CTNNA2: variants seen among roughly 807,000 people sequenced by gnomAD.
CTNNA2 encodes the protein catenin alpha 2, also known as catenin alpha-2.
Under a neutral mutation model 101.0 loss-of-function variants are expected in CTNNA2, and 42 were observed. The ratio of observed to expected loss-of-function variants is 0.42; its 90% CI spans 0.32 to 0.54. CTNNA2 has a LOEUF of 0.54. Among genes scored for constraint, CTNNA2 ranks in the 20% least tolerant of loss-of-function variants. The pLI is 0.14. For synonymous variants in CTNNA2, 450 were observed against 456.4 expected, an observed-to-expected ratio of 0.99 and a Z score of 0.18; for missense variants, 871 against 1,223.1, an observed-to-expected ratio of 0.71 and a Z score of 4.29.
intron 4 of CTNNA2, among the ~76,000 whole-genome samples, chr2:79,452,334 T>C (rs1357497307): frequency 2.6e-5 from 4 of 151,782 alleles, no homozygotes; most frequent in African/African-American, 9.7e-5. Flanking sequence ...ACTAGACATA[T>C]CTTCAGTGAA....
chr2:80,109,051 A>T (rs944373907), intron 7 of CTNNA2, among the ~76,000 whole-genome samples: 42 of 152,366 alleles, frequency 2.8e-4, no homozygotes, highest in African/African-American at 9.9e-4. Flanking sequence ...GACCCTGGTC[A>T]TTAGAATAAA....
chr2:79,796,276 T>TA (rs1675687291), intron 3 of CTNNA2, among the ~76,000 whole-genome samples: 1 of 151,076 alleles, frequency 6.6e-6, no homozygotes, highest in Admixed American at 6.6e-5. Context: ...AACAGCTCTT[T>TA]AAAAGTGGCC....
intron 2 of CTNNA2, chr2:79,292,895 T>A (rs983237078): frequency 1.3e-5 from 2 of 152,270 alleles, no homozygotes; most frequent in Admixed American, 6.5e-5. Flanking sequence ...AACACTGGCT[T>A]CTAGTCAGAA....
At chr2:79,307,903 C>T (rs1458441872) in intron 2 of CTNNA2, among the ~76,000 whole-genome samples, 3 of 152,194 alleles carry the variant, frequency 2.0e-5, no homozygotes, top group African/African-American at 7.2e-5. Flanking sequence ...TGATAATAGC[C>T]ATCCTAACTG....
At chr2:79,665,089 C>T (rs2104548896) in intron 2 of CTNNA2, among the ~76,000 whole-genome samples, 1 of 152,196 alleles carries the variant, frequency 6.6e-6, no homozygotes, top group Non-Finnish European at 1.5e-5. Context: ...GATTTCCACT[C>T]TCAATCCAGA....
intron 2 of CTNNA2, among the ~76,000 whole-genome samples, chr2:79,219,965 G>A (rs138758398): frequency 1.4e-4 from 22 of 152,196 alleles, no homozygotes; most frequent in African/African-American, 4.1e-4. Context: ...ACAGATACTC[G>A]TATCCTCCTA....
At chr2:79,466,169 A>G (rs1670932181) in intron 4 of CTNNA2, among the ~76,000 whole-genome samples, 1 of 152,168 alleles carries the variant, frequency 6.6e-6, no homozygotes, top group Non-Finnish European at 1.5e-5. Flanking sequence ...CACCTGGAAA[A>G]TCGGGTCACT....
chr2:79,480,287 A>G (rs1045858046), intron 4 of CTNNA2, among the ~76,000 whole-genome samples: 12 of 152,090 alleles, frequency 7.9e-5, no homozygotes, highest in Non-Finnish European at 1.8e-4. Context: ...ATTATGCTCT[A>G]CCTCCAACAT....
chr2:80,023,714 G>A (rs1694735705), intron 7 of CTNNA2, among the ~76,000 whole-genome samples: 2 of 152,148 alleles, frequency 1.3e-5, no homozygotes, highest in African/African-American at 4.8e-5. Context: ...TTAGAAATGT[G>A]TATTGATCTC....
rs147127721 is a variant in CTNNA2 at position 80,370,282 on chromosome 2, G to A, written c.1057-22929G>A. 5.5e-4 allele frequency among the ~76,000 whole-genome samples: 84 copies of A among 152,068 alleles called. 1 individual carries two copies. In the East Asian group the frequency reaches 0.014, roughly 25 times the overall value. On this transcript the variant is annotated intron_variant, in intron 7 of 18. Transcript: ENST00000402739. ...TGTGTGTGTGTGTATGTGTTTGTGT[G>A]CGTGTGTGAATGGAAAAAGATCTAT... is the stretch of plus-strand genomic sequence containing the variant.
At position 80,447,575 on chromosome 2, in the gene CTNNA2, A is replaced by G. The variant is rs889529169; in HGVS notation, c.1290+27974A>G. On this transcript the variant is annotated intron_variant, in intron 9 of 18. Coordinates refer to ENST00000402739, the MANE Select transcript of CTNNA2 (RefSeq NM_001282597.3). ...CTGATACTTCCTGCTGCAAGAGGAG[A>G]ATGTTTATTAAGCCTAGTGGGGGAA... is the stretch of plus-strand genomic sequence containing the variant. Among the ~76,000 whole-genome samples the G allele has an allele frequency of 2.0e-5, 3 of 152,256 alleles. No homozygotes were observed. In the South Asian group the frequency reaches 6.2e-4, roughly 32 times the overall value.
intron 7 of CTNNA2, among the ~76,000 whole-genome samples, chr2:80,233,371 T>A (rs1306543907): frequency 1.3e-5 from 2 of 152,034 alleles, no homozygotes; most frequent in Non-Finnish European, 2.9e-5. Context: ...TTGAAGACAC[T>A]ACTTGTTTTC....
chr2:80,591,900 T>G (rs1428529140), intron 15 of CTNNA2, among the ~76,000 whole-genome samples: 5 of 152,198 alleles, frequency 3.3e-5, no homozygotes, highest in African/African-American at 1.2e-4. Flanking sequence ...AGGCCTCATG[T>G]CTTTTTCCCA....
At chr2:80,050,193 G>A (rs867652552) in intron 7 of CTNNA2, among the ~76,000 whole-genome samples, 61 of 152,204 alleles carry the variant, frequency 4.0e-4, no homozygotes, top group African/African-American at 1.3e-3. Flanking sequence ...TGGGGAGGCC[G>A]AGTCACATTT....
intron 18 of CTNNA2, among the ~76,000 whole-genome samples, chr2:80,639,303 G>A (rs1368548306): frequency 6.6e-6 from 1 of 152,116 alleles, no homozygotes; most frequent in Non-Finnish European, 1.5e-5. Flanking sequence ...TCCGCCTCCT[G>A]GGTTCAAGTG....
chr2:80,479,079 G>A (rs1348331455), intron 9 of CTNNA2, among the ~76,000 whole-genome samples: 1 of 151,376 alleles, frequency 6.6e-6, no homozygotes, highest in Non-Finnish European at 1.5e-5. Context: ...TCTCATTGTA[G>A]AGATCTCTCA....
chr2:80,143,940 T>G (rs1558848601), intron 7 of CTNNA2, among the ~76,000 whole-genome samples: 2 of 152,162 alleles, frequency 1.3e-5, no homozygotes, highest in African/African-American at 4.8e-5. Context: ...AGCAGTCACA[T>G]CTCATGTTTA....
At position 80,463,304 on chromosome 2, in the gene CTNNA2, C is replaced by T. The variant is rs183744433; in HGVS notation, c.1290+43703C>T. 1.0e-3 allele frequency among the ~76,000 whole-genome samples: 153 copies of T among 152,266 alleles called. 1 individual carries two copies. The South Asian group carries it at 0.014, about 14-fold the overall frequency. ...AGGAAAATAAAAATAGAACACCCCCCTTAATAGTCGCCAGCACTACGTCTA... is the reference window on the plus strand; with the variant it reads ...AGGAAAATAAAAATAGAACACCCCCTTTAATAGTCGCCAGCACTACGTCTA... On this transcript the variant is annotated intron_variant, in intron 9 of 18. Transcript: ENST00000402739.
chr2:79,458,538 C>CT (rs1670848282), intron 4 of CTNNA2, among the ~76,000 whole-genome samples: 1 of 152,006 alleles, frequency 6.6e-6, no homozygotes, highest in Non-Finnish European at 1.5e-5. Flanking sequence ...TTTTTCATCA[C>CT]AATAGGATTG....
Sources: gnomAD v4.1 joint callset for allele counts (sites outside exome capture counted in the v4.1 genomes callset) on GRCh38, gnomAD v4.1.1 for gene constraint, MANE v1.5 for transcripts, NCBI Gene and HGNC (gene_info 2026-07-23, HGNC 2026-07-21) for gene names.